Variants in SYN3 observed in about 807,000 individuals in gnomAD.
SYN3 encodes the protein synapsin-3.
In SYN3, 35 loss-of-function variants were observed where a neutral mutation model predicts 65.8. That is an observed-to-expected ratio of 0.53 (90% CI 0.41 to 0.70). The LOEUF (loss-of-function observed/expected upper bound fraction) is 0.70, where lower values mean the gene tolerates loss of function less well. Among genes scored for constraint, SYN3 ranks in the 30% least tolerant of loss-of-function variants. The pLI is 0.00. For synonymous variants in SYN3, 270 were observed against 292.9 expected (o/e 0.92, Z 0.80); for missense variants, 680 against 749.0 (o/e 0.91, Z 1.08).
chr22:32,579,011 C>A (rs1401808496), intron 7 of SYN3, among the ~76,000 whole-genome samples: 1 of 152,172 alleles, frequency 6.6e-6, no homozygotes, highest in Non-Finnish European at 1.5e-5. Context: ...GTTTGCCAAG[C>A]CCTGCGCTAG....
Position 32,510,246 on chromosome 22 carries a change from C to T in SYN3, c.*3446G>A, listed in dbSNP as rs1974635407. Among the ~76,000 whole-genome samples, 1 of 152,202 alleles carries T rather than the reference C, an allele frequency of 6.6e-6. No homozygotes were observed. The highest frequency in any genetic ancestry group is 1.5e-5 in the Non-Finnish European group (1 of 68,032). On this transcript the variant is annotated 3_prime_UTR_variant, in exon 14 of 14. Transcript: ENST00000358763. ...CAGCTCAGGTTTGCTGGTCTCACAT[C>T]AAAGTGCATTCAAAGTGGGGAGATT...
chr22:32,949,366 T>C (rs1326804897), intron 3 of SYN3, among the ~76,000 whole-genome samples: 1 of 151,716 alleles, frequency 6.6e-6, no homozygotes, highest in Admixed American at 6.6e-5. Context: ...CAGTGAGCTA[T>C]AACTGCACCA....
At chr22:32,870,084 G>C (rs2048809056) in intron 4 of SYN3, among the ~76,000 whole-genome samples, 1 of 152,132 alleles carries the variant, frequency 6.6e-6, no homozygotes, top group Non-Finnish European at 1.5e-5. Flanking sequence ...ATCAGCCCAG[G>C]CTGGGGCAAT....
intron 6 of SYN3, among the ~76,000 whole-genome samples, chr22:32,699,215 G>A (rs1172963323): frequency 6.6e-6 from 1 of 152,178 alleles, no homozygotes; most frequent in African/African-American, 2.4e-5. Context: ...CCACCATGGA[G>A]TACTTGTTTT....
chr22:32,851,085 A>G (rs767975074), intron 6 of SYN3, among the ~76,000 whole-genome samples: 12 of 152,160 alleles, frequency 7.9e-5, no homozygotes, highest in Non-Finnish European at 1.2e-4. Context: ...ATGTCTTCAG[A>G]CAGCCCTGGG....
chr22:32,789,376 T>C (rs1201165681), intron 6 of SYN3, among the ~76,000 whole-genome samples: 1 of 152,176 alleles, frequency 6.6e-6, no homozygotes, highest in Non-Finnish European at 1.5e-5. Context: ...TCAAGTGTTT[T>C]GGAAAGTTAC....
At chr22:32,699,489 G>T (rs1162038834) in intron 6 of SYN3, among the ~76,000 whole-genome samples, 1 of 152,138 alleles carries the variant, frequency 6.6e-6, no homozygotes, top group East Asian at 1.9e-4. Flanking sequence ...GGGAGAGAGT[G>T]GTGGAGAAAC....
At chr22:32,643,560 G>GGGGGGA (rs1569118237) in intron 6 of SYN3, among the ~76,000 whole-genome samples, 2 of 126,524 alleles carry the variant, frequency 1.6e-5, no homozygotes, top group East Asian at 2.4e-4. Flanking sequence ...GGGGGGGCGG[G>GGGGGGA]GGGGGCAGAA....
At chr22:32,950,546 T>A (rs971499462) in intron 3 of SYN3, among the ~76,000 whole-genome samples, 2 of 148,780 alleles carry the variant, frequency 1.3e-5, no homozygotes, top group Non-Finnish European at 2.9e-5. Context: ...TTGGCAGCCA[T>A]AAACTCTAAT....
intron 2 of SYN3, among the ~76,000 whole-genome samples, chr22:32,993,810 T>A (rs569389967): frequency 1.3e-5 from 2 of 152,258 alleles, no homozygotes; most frequent in African/African-American, 4.8e-5. Context: ...AGGTGATCCC[T>A]CAGCACCAGC....
At chr22:33,039,596 A>C (rs549698660) in intron 1 of SYN3, among the ~76,000 whole-genome samples, 1 of 152,052 alleles carries the variant, frequency 6.6e-6, no homozygotes, top group African/African-American at 2.4e-5. Flanking sequence ...GAGTTTCATC[A>C]TGTTGGCCAG....
chr22:32,762,805 C>G (rs2045520887), intron 6 of SYN3, among the ~76,000 whole-genome samples: 1 of 152,202 alleles, frequency 6.6e-6, no homozygotes, highest in South Asian at 2.1e-4. Flanking sequence ...CTTTCTGAGC[C>G]TCAGCTTCCC....
At chr22:32,796,873 G>A (rs1393736175) in intron 6 of SYN3, among the ~76,000 whole-genome samples, 3 of 152,138 alleles carry the variant, frequency 2.0e-5, no homozygotes, top group Non-Finnish European at 4.4e-5. Flanking sequence ...TTCCCAGACC[G>A]CCCTAAGGCC....
intron 1 of SYN3, among the ~76,000 whole-genome samples, chr22:33,020,791 G>C (rs133960): frequency 0.15 from 22,834 of 152,156 alleles, 1,727 homozygotes; most frequent in Middle Eastern, 0.27. Context: ...GAGGCAGTAA[G>C]CTTGAAGGTT....
intron 2 of SYN3, among the ~76,000 whole-genome samples, chr22:32,993,077 A>C (rs2052769208): frequency 6.6e-6 from 1 of 152,138 alleles, no homozygotes; most frequent in Admixed American, 6.5e-5. Flanking sequence ...ATTTTTGAAC[A>C]GAGAGAAACA....
chr22:32,591,308 G>A lies in SYN3; in HGVS notation c.774+5366C>T, dbSNP rs111613711. Among the ~76,000 whole-genome samples, 1,264 of 152,160 alleles carry A rather than the reference G, an allele frequency of 8.3e-3. 15 individuals are homozygous for A. The highest frequency in any genetic ancestry group is 0.028 in the African/African-American group (1,174 of 41,528). On this transcript the variant is annotated intron_variant, in intron 7 of 13. Transcript: ENST00000358763. ...ATGTCATTGTCAAAAGGAGAAAATA[G>A]TTCCAAAGTATGACAAAGCATTAAT...
At chr22:32,731,275 G>A (rs957487561) in intron 6 of SYN3, among the ~76,000 whole-genome samples, 4 of 152,280 alleles carry the variant, frequency 2.6e-5, no homozygotes, top group South Asian at 2.1e-4. Context: ...TGGCCATTAC[G>A]GCTTCAGATG....
intron 6 of SYN3, among the ~76,000 whole-genome samples, chr22:32,733,114 G>A (rs1335959599): frequency 6.6e-6 from 1 of 152,188 alleles, no homozygotes; most frequent in African/African-American, 2.4e-5. Flanking sequence ...CCTTTACACA[G>A]TGGCTGAGTG....
intron 3 of SYN3, among the ~76,000 whole-genome samples, chr22:32,974,997 T>C (rs987769409): frequency 1.3e-5 from 2 of 152,190 alleles, no homozygotes; most frequent in Non-Finnish European, 2.9e-5. Flanking sequence ...TCTTAACCCC[T>C]ACACCGCATT....
Sources: gnomAD v4.1 joint callset for allele counts (sites outside exome capture counted in the v4.1 genomes callset) on GRCh38, gnomAD v4.1.1 for gene constraint, MANE v1.5 for transcripts, NCBI Gene and HGNC (gene_info 2026-07-23, HGNC 2026-07-21) for gene names.